Variants in CNTNAP2 observed in about 807,000 individuals in gnomAD.
CNTNAP2 encodes contactin-associated protein-like 2.
A neutral mutation model predicts 155.2 loss-of-function variants in CNTNAP2; 98 were observed. That is an observed-to-expected ratio of 0.63 (90% confidence interval 0.54 to 0.75). CNTNAP2 has a LOEUF of 0.75. Among genes scored for constraint, CNTNAP2 ranks in the 30% least tolerant of loss-of-function variants. The pLI is 0.00. For synonymous variants in CNTNAP2, 651 were observed against 631.2 expected, an observed-to-expected ratio of 1.03 and a Z score of -0.47; for missense variants, 1,727 against 1,688.1, an observed-to-expected ratio of 1.02 and a Z score of -0.40.
intron 13 of CNTNAP2, among the ~76,000 whole-genome samples, chr7:147,878,657 T>C (rs891209915): frequency 1.3e-4 from 20 of 152,210 alleles, no homozygotes; most frequent in African/African-American, 4.8e-4. Context: ...TTTCTTTGTT[T>C]CTGATGGGGA....
At chr7:146,858,497 C>G (rs1314695555) in intron 3 of CNTNAP2, among the ~76,000 whole-genome samples, 2 of 152,126 alleles carry the variant, frequency 1.3e-5, no homozygotes, top group Admixed American at 1.3e-4. Flanking sequence ...AGTTTGAGAC[C>G]AGTCTAGGCA....
intron 16 of CNTNAP2, among the ~76,000 whole-genome samples, chr7:148,143,639 G>C (rs1585149402): frequency 6.6e-6 from 1 of 152,134 alleles, no homozygotes; most frequent in Non-Finnish European, 1.5e-5. Context: ...TGATCACACT[G>C]CCACACTGCA....
chr7:146,150,694 A>G (rs1415052281), intron 1 of CNTNAP2, among the ~76,000 whole-genome samples: 1 of 152,036 alleles, frequency 6.6e-6, no homozygotes, highest in Non-Finnish European at 1.5e-5. Context: ...ATTAAATAGT[A>G]TTGTTGATAG....
intron 1 of CNTNAP2, among the ~76,000 whole-genome samples, chr7:146,671,957 A>G (rs2934757): frequency 0.81 from 122,875 of 151,904 alleles, 50,313 homozygotes; most frequent in South Asian, 0.91. Context: ...TTGGGATTAC[A>G]GGTGCCTGCC....
In CNTNAP2 at chr7:147,821,729, G is replaced by A. The variant is rs756429935; in HGVS notation, c.2099-81836G>A. Among the ~76,000 whole-genome samples the A allele has an allele frequency of 2.0e-5, 3 of 152,116 alleles. No homozygotes were observed. The East Asian group carries it at 5.8e-4, about 29-fold the overall frequency. On this transcript the variant is annotated intron_variant, in intron 13 of 23. Transcript: ENST00000361727. ...TGAAGAGAAACAGGAAAGAAGGCAA[G>A]GTGGAAGAGCACGGTGAATGTGGTG...
intron 1 of CNTNAP2, among the ~76,000 whole-genome samples, chr7:146,121,103 G>C (rs1797555721): frequency 8.0e-6 from 1 of 125,530 alleles, no homozygotes; most frequent in South Asian, 2.7e-4. Flanking sequence ...ATGTCTTAAA[G>C]TTTACATAAA....
intron 13 of CNTNAP2, among the ~76,000 whole-genome samples, chr7:147,819,792 C>G (rs534871710): frequency 5.3e-4 from 81 of 152,188 alleles, no homozygotes; most frequent in African/African-American, 1.8e-3. Flanking sequence ...TAGAGTAATA[C>G]AGAATATACT....
intron 15 of CNTNAP2, among the ~76,000 whole-genome samples, chr7:147,980,269 AAAAAAGAG>A: frequency 2.2e-5 from 1 of 46,140 alleles, no homozygotes; most frequent in Non-Finnish European, 4.0e-5. Context: ...CTTTCTTTTT[AAAAAAGAG>A]AAAATGAGAA....
intron 8 of CNTNAP2, among the ~76,000 whole-genome samples, chr7:147,166,443 A>G (rs1033921422): frequency 2.6e-5 from 4 of 152,234 alleles, no homozygotes; most frequent in Non-Finnish European, 5.9e-5. Context: ...AGTTCAGTGT[A>G]TACCGCTCGG....
At chr7:148,355,491 C>T (rs900607144) in intron 21 of CNTNAP2, among the ~76,000 whole-genome samples, 1 of 152,082 alleles carries the variant, frequency 6.6e-6, no homozygotes, top group African/African-American at 2.4e-5. Context: ...CTGTTACTTA[C>T]TCAATATAAT....
chr7:146,539,526 G>C (rs116630957), intron 1 of CNTNAP2, among the ~76,000 whole-genome samples: 7 of 150,688 alleles, frequency 4.6e-5, no homozygotes, highest in African/African-American at 1.7e-4. Flanking sequence ...ATAAAGCTAC[G>C]GTAGAAACAT....
intron 15 of CNTNAP2, among the ~76,000 whole-genome samples, chr7:147,988,708 C>T (rs1390071733): frequency 6.6e-6 from 1 of 152,172 alleles, no homozygotes; most frequent in African/African-American, 2.4e-5. Flanking sequence ...GCAGAAGAAA[C>T]AGCATCCCCA....
intron 2 of CNTNAP2, among the ~76,000 whole-genome samples, chr7:146,820,689 G>A (rs1341368311): frequency 1.3e-5 from 2 of 152,118 alleles, no homozygotes; most frequent in African/African-American, 4.8e-5. Flanking sequence ...GGTCTGCTTG[G>A]TGCAGAGCTG....
At chr7:146,373,111 G>A (rs971039165) in intron 1 of CNTNAP2, among the ~76,000 whole-genome samples, 2 of 152,134 alleles carry the variant, frequency 1.3e-5, no homozygotes, top group Admixed American at 6.5e-5. Flanking sequence ...AAACATGGCA[G>A]ACATTGAAAA....
chr7:147,615,843 T>G (rs981536591), intron 12 of CNTNAP2, among the ~76,000 whole-genome samples: 2 of 152,180 alleles, frequency 1.3e-5, no homozygotes, highest in Non-Finnish European at 2.9e-5. Context: ...CTCATTTTAC[T>G]TAACATTGAA....
intron 1 of CNTNAP2, among the ~76,000 whole-genome samples, chr7:146,697,446 C>T (rs980156923): frequency 6.6e-6 from 1 of 152,068 alleles, no homozygotes; most frequent in East Asian, 1.9e-4. Flanking sequence ...ATCATGTTGG[C>T]CAGGCTGGTC....
intron 1 of CNTNAP2, among the ~76,000 whole-genome samples, chr7:146,446,810 A>C (rs1796408921): frequency 6.6e-6 from 1 of 152,048 alleles, no homozygotes; most frequent in Admixed American, 6.6e-5. Flanking sequence ...CTACCTCAAC[A>C]AAATATTCCA....
At chr7:146,691,978 C>T (rs1325909747) in intron 1 of CNTNAP2, among the ~76,000 whole-genome samples, 2 of 152,130 alleles carry the variant, frequency 1.3e-5, no homozygotes, top group Admixed American at 6.6e-5. Context: ...TACGAATGTT[C>T]TGAGACATCC....
intron 2 of CNTNAP2, among the ~76,000 whole-genome samples, chr7:146,808,664 G>C (rs888741628): frequency 6.6e-6 from 1 of 152,166 alleles, no homozygotes; most frequent in South Asian, 2.1e-4. Context: ...ATTCAGACTT[G>C]TTAATCTAAT....
Sources: allele counts gnomAD v4.1 joint callset (sites outside exome capture counted in the v4.1 genomes callset), GRCh38; gene constraint gnomAD v4.1.1; transcripts MANE v1.5; gene names NCBI Gene and HGNC (gene_info 2026-07-23, HGNC 2026-07-21).